FRMPD4: variants seen among roughly 807,000 people sequenced by gnomAD.
FRMPD4 encodes FERM and PDZ domain-containing protein 4.
In FRMPD4, 22 loss-of-function variants were observed where a neutral mutation model predicts 94.1. The ratio of observed to expected loss-of-function variants is 0.23; its 90% CI spans 0.17 to 0.33. The LOEUF is 0.33. Ranked by LOEUF, FRMPD4 falls within the 10% of genes least tolerant of loss-of-function variation. FRMPD4 has a pLI of 1.00. For missense variants in FRMPD4, 1,111 were observed against 1,339.9 expected, an observed-to-expected ratio of 0.83 and a Z score of 2.67; for synonymous variants, 631 against 548.6, an observed-to-expected ratio of 1.15 and a Z score of -2.10.
chrX:12,182,815 T>C (rs1373627850), intron 1 of FRMPD4, among the ~76,000 whole-genome samples: 1 of 111,465 alleles, frequency 9.0e-6, no homozygotes, highest in Non-Finnish European at 1.9e-5. Flanking sequence ...TGGCCTTGTT[T>C]TTACCGACAA....
At chrX:12,089,060 G>A (rs1406907319) in intron 3 of FRMPD4, among the ~76,000 whole-genome samples, 2 of 112,142 alleles carry the variant, frequency 1.8e-5, no homozygotes, top group Non-Finnish European at 3.8e-5. Flanking sequence ...AATGCTATGT[G>A]CCCTTTTCTG....
chrX:12,511,575 A>T (rs1210021459), intron 2 of FRMPD4, among the ~76,000 whole-genome samples: 1 of 111,619 alleles, frequency 9.0e-6, no homozygotes, highest in Non-Finnish European at 1.9e-5. Flanking sequence ...ACAGATTATT[A>T]GAAGTCATTA....
chrX:12,591,260 A>G (rs778877907), intron 2 of FRMPD4, among the ~76,000 whole-genome samples: 2 of 112,365 alleles, frequency 1.8e-5, no homozygotes, highest in South Asian at 3.7e-4. Context: ...TATTAAGAAA[A>G]TTGTAAGAAA....
chrX:12,038,249 T>C (rs1189241086), intron 3 of FRMPD4, among the ~76,000 whole-genome samples: 1 of 112,043 alleles, frequency 8.9e-6, no homozygotes, highest in African/African-American at 3.2e-5. Context: ...GTATTCCCAT[T>C]AACAATGTAT....
At chrX:12,664,036 C>A (rs1322926613) in intron 4 of FRMPD4, among the ~76,000 whole-genome samples, 1 of 112,108 alleles carries the variant, frequency 8.9e-6, no homozygotes, top group Non-Finnish European at 1.9e-5. Context: ...TGCTTGTGAT[C>A]TTTGCACATT....
chrX:12,701,176 G>A (rs2060187276), intron 9 of FRMPD4, among the ~76,000 whole-genome samples: 1 of 101,936 alleles, frequency 9.8e-6, no homozygotes, highest in Non-Finnish European at 2.0e-5. Context: ...GGACTCAAGC[G>A]ATCCTCCTGC....
intron 2 of FRMPD4, among the ~76,000 whole-genome samples, chrX:12,515,705 A>AGAG (rs1296921152): frequency 8.9e-6 from 1 of 112,046 alleles, no homozygotes; most frequent in East Asian, 2.8e-4. Flanking sequence ...TATTAGGTCC[A>AGAG]CTTGATCCAG....
intron 3 of FRMPD4, among the ~76,000 whole-genome samples, chrX:12,047,248 A>G: frequency 9.1e-6 from 1 of 110,340 alleles, no homozygotes; most frequent in Non-Finnish European, 1.9e-5. Context: ...TATATAAAGT[A>G]CATATAACAC....
chrX:12,157,609 G>A (rs986812184), intron 1 of FRMPD4, among the ~76,000 whole-genome samples: 3 of 112,137 alleles, frequency 2.7e-5, no homozygotes, highest in Admixed American at 1.9e-4. Flanking sequence ...CTACTGAGGC[G>A]CTGGGTGAAA....
chrX:12,694,707 A>T (rs888458906), intron 9 of FRMPD4, among the ~76,000 whole-genome samples: 2 of 112,129 alleles, frequency 1.8e-5, no homozygotes, highest in Admixed American at 1.9e-4. Flanking sequence ...ACATTTTACC[A>T]CATTTACTTG....
intron 3 of FRMPD4, among the ~76,000 whole-genome samples, chrX:12,065,688 C>G (rs1417520846): frequency 1.8e-5 from 2 of 112,228 alleles, no homozygotes; most frequent in Non-Finnish European, 3.8e-5. Context: ...TTATTTCGAA[C>G]AAAGTATTCC....
chrX:12,495,081 T>C, intron 1 of FRMPD4: 1 of 551,204 alleles, frequency 1.8e-6, no homozygotes, highest in Non-Finnish European at 2.2e-6. Context: ...TAAAAAACTT[T>C]CTGATGTTTC....
chrX:12,032,792 A>C (rs1317309004), intron 3 of FRMPD4, among the ~76,000 whole-genome samples: 1 of 111,947 alleles, frequency 8.9e-6, no homozygotes. Context: ...TTTTTTCTCT[A>C]AGAAGTCTAA....
At chrX:11,852,797 A>G (rs745348909) in intron 1 of FRMPD4, among the ~76,000 whole-genome samples, 1 of 111,779 alleles carries the variant, frequency 8.9e-6, no homozygotes, top group Non-Finnish European at 1.9e-5. Context: ...AGACTCCTAC[A>G]CAATAATAGA....
chrX:12,196,710 A>G (rs971793253), intron 1 of FRMPD4, among the ~76,000 whole-genome samples: 1 of 108,938 alleles, frequency 9.2e-6, no homozygotes, highest in Non-Finnish European at 1.9e-5. Context: ...AAGTTGAAAT[A>G]TATGTTTCAA....
chrX:12,417,647 A>G (rs189753883), intron 1 of FRMPD4, among the ~76,000 whole-genome samples: 1 of 108,126 alleles, frequency 9.2e-6, no homozygotes, highest in East Asian at 2.9e-4. Context: ...TATTATCTTG[A>G]TGATCTATTA....
At chrX:12,393,449 G>A (rs975905280) in intron 1 of FRMPD4, among the ~76,000 whole-genome samples, 4 of 112,058 alleles carry the variant, frequency 3.6e-5, no homozygotes, top group African/African-American at 1.3e-4. Context: ...TCTAAATTAA[G>A]ATAGGCTTGG....
intron 2 of FRMPD4, among the ~76,000 whole-genome samples, chrX:12,545,500 G>T (rs1445590124): frequency 8.9e-6 from 1 of 112,784 alleles, no homozygotes; most frequent in Non-Finnish European, 1.9e-5. Context: ...TTCCCTGGAT[G>T]GTTGGTGCCC....
intron 1 of FRMPD4, among the ~76,000 whole-genome samples, chrX:12,367,923 A>G (rs755189682): frequency 2.4e-4 from 27 of 112,313 alleles, no homozygotes; most frequent in Admixed American, 2.8e-4. Flanking sequence ...ATACCTGTCT[A>G]TCCTCATCAC....
Sources: allele counts gnomAD v4.1 joint callset (sites outside exome capture counted in the v4.1 genomes callset), GRCh38; gene constraint gnomAD v4.1.1; transcripts MANE v1.5; gene names NCBI Gene and HGNC (gene_info 2026-07-23, HGNC 2026-07-21).